Variants in ADGRL3 observed in about 807,000 individuals in gnomAD.
ADGRL3 encodes adhesion G protein-coupled receptor L3, also known as calcium-independent alpha-latrotoxin receptor 3.
A neutral mutation model predicts 153.5 loss-of-function variants in ADGRL3; 62 were observed. The ratio of observed to expected loss-of-function variants is 0.40; its 90% CI spans 0.33 to 0.50. ADGRL3 has a LOEUF of 0.50. Among genes scored for constraint, ADGRL3 ranks in the 20% least tolerant of loss-of-function variants. The pLI, the probability that ADGRL3 is intolerant of heterozygous loss-of-function variation, is 0.47. For missense variants in ADGRL3, 1,641 were observed against 1,859.4 expected, an observed-to-expected ratio of 0.88 and a Z score of 2.16; for synonymous variants, 710 against 672.5, an observed-to-expected ratio of 1.06 and a Z score of -0.86.
intron 2 of ADGRL3, among the ~76,000 whole-genome samples, chr4:61,410,876 G>A (rs1023690014): frequency 3.9e-5 from 6 of 152,210 alleles, no homozygotes. Flanking sequence ...ATGTCAGCAG[G>A]AACTGGGATT....
intron 8 of ADGRL3, among the ~76,000 whole-genome samples, chr4:61,763,507 A>G (rs1343804888): frequency 2.0e-5 from 3 of 152,132 alleles, no homozygotes. Flanking sequence ...TGCCTGTCAT[A>G]TGTCAGTATT....
At chr4:61,919,037 T>C (rs2098756685) in intron 13 of ADGRL3, among the ~76,000 whole-genome samples, 3 of 152,208 alleles carry the variant, frequency 2.0e-5, no homozygotes, top group Non-Finnish European at 2.9e-5. Context: ...CAAAGAGCTC[T>C]GTGGTGCATG....
chr4:61,953,927 T>C (rs2098956696), intron 17 of ADGRL3, among the ~76,000 whole-genome samples: 1 of 152,188 alleles, frequency 6.6e-6, no homozygotes, highest in African/African-American at 2.4e-5. Flanking sequence ...CTTTTTAGCA[T>C]ATTTTACTGT....
intron 25 of ADGRL3, chr4:62,063,752 T>A (rs1350505869): frequency 2.1e-6 from 1 of 479,386 alleles, no homozygotes; most frequent in Non-Finnish European, 3.7e-6. Flanking sequence ...ACCTGCAGAC[T>A]CCTTTCGCAT....
chr4:61,807,544 A>G (rs1177589841), intron 8 of ADGRL3, among the ~76,000 whole-genome samples: 1 of 152,154 alleles, frequency 6.6e-6, no homozygotes, highest in Non-Finnish European at 1.5e-5. Context: ...ATAAATATAA[A>G]GCATTTCTCA....
chr4:62,035,685 T>A (rs1724587843), intron 23 of ADGRL3, among the ~76,000 whole-genome samples: 1 of 152,160 alleles, frequency 6.6e-6, no homozygotes, highest in African/African-American at 2.4e-5. Context: ...AATAGATTAC[T>A]TTAATGATAA....
chr4:61,832,988 G>T (rs1457118349), intron 9 of ADGRL3, among the ~76,000 whole-genome samples: 1 of 151,906 alleles, frequency 6.6e-6, no homozygotes, highest in Middle Eastern at 3.4e-3. Context: ...GCCATGTATA[G>T]TTCCTGAAGT....
At chr4:61,265,503 G>A (rs759844682) in intron 1 of ADGRL3, among the ~76,000 whole-genome samples, 2 of 151,818 alleles carry the variant, frequency 1.3e-5, no homozygotes, top group Non-Finnish European at 2.9e-5. Context: ...TTGAACAGTG[G>A]CAGAAAAATG....
At chr4:61,256,858 G>A (rs1416067830) in intron 1 of ADGRL3, among the ~76,000 whole-genome samples, 2 of 152,070 alleles carry the variant, frequency 1.3e-5, no homozygotes, top group Non-Finnish European at 2.9e-5. Context: ...AAGAATCTGT[G>A]CCTTTGAAAA....
chr4:62,039,001 A>T (rs1226738117), intron 24 of ADGRL3, among the ~76,000 whole-genome samples: 4 of 151,620 alleles, frequency 2.6e-5, no homozygotes, highest in African/African-American at 9.8e-5. Context: ...TTAAATTGAT[A>T]AATAAACTTA....
At chr4:61,658,177 A>C (rs1250042580) in intron 5 of ADGRL3, among the ~76,000 whole-genome samples, 1 of 152,102 alleles carries the variant, frequency 6.6e-6, no homozygotes, top group South Asian at 2.1e-4. Flanking sequence ...CTGACATTTC[A>C]ACTAATTATT....
chr4:61,865,093 A>T (rs1468796538), intron 9 of ADGRL3, among the ~76,000 whole-genome samples: 2 of 152,144 alleles, frequency 1.3e-5, no homozygotes, highest in Non-Finnish European at 2.9e-5. Context: ...GCAGAATGAG[A>T]TTGGTTTACA....
intron 1 of ADGRL3, among the ~76,000 whole-genome samples, chr4:61,373,397 T>G (rs1455665227): frequency 3.3e-5 from 5 of 152,222 alleles, no homozygotes; most frequent in Non-Finnish European, 7.3e-5. Flanking sequence ...AATTTTTCAT[T>G]TATAGGTATA....
At chr4:61,342,581 C>T (rs2095827762) in intron 1 of ADGRL3, among the ~76,000 whole-genome samples, 1 of 152,164 alleles carries the variant, frequency 6.6e-6, no homozygotes, top group Admixed American at 6.6e-5. Flanking sequence ...TATTTATCCT[C>T]TTTTTTGACA....
At chr4:61,513,466 C>G (rs998462222) in intron 3 of ADGRL3, among the ~76,000 whole-genome samples, 1 of 152,212 alleles carries the variant, frequency 6.6e-6, no homozygotes, top group South Asian at 2.1e-4. Context: ...AACCAACATT[C>G]TGGAACAGTG....
intron 13 of ADGRL3, among the ~76,000 whole-genome samples, chr4:61,914,451 G>T (rs2098736232): frequency 1.3e-5 from 2 of 152,046 alleles, no homozygotes; most frequent in African/African-American, 2.4e-5. Context: ...AGAAAAACTT[G>T]TATTTTTTAT....
At chr4:61,777,896 G>T (rs540393808) in intron 8 of ADGRL3, among the ~76,000 whole-genome samples, 1 of 152,052 alleles carries the variant, frequency 6.6e-6, no homozygotes, top group African/African-American at 2.4e-5. Context: ...ACTCTCCTAG[G>T]GAAACATAGG....
intron 9 of ADGRL3, among the ~76,000 whole-genome samples, chr4:61,856,411 G>A (rs1271767170): frequency 6.8e-5 from 9 of 131,852 alleles, no homozygotes; most frequent in Admixed American, 6.5e-4. Flanking sequence ...TTGGAACTGT[G>A]TCTGAGAATT....
At chr4:61,825,810 A>T (rs1173238864) in intron 9 of ADGRL3, among the ~76,000 whole-genome samples, 1 of 152,224 alleles carries the variant, frequency 6.6e-6, no homozygotes, top group Non-Finnish European at 1.5e-5. Context: ...ATAGTGAGTT[A>T]TTCCTTAATA....
Sources: gnomAD v4.1 joint callset for allele counts (sites outside exome capture counted in the v4.1 genomes callset) on GRCh38, gnomAD v4.1.1 for gene constraint, MANE v1.5 for transcripts, NCBI Gene and HGNC (gene_info 2026-07-23, HGNC 2026-07-21) for gene names.